ZNF280B: variants seen among roughly 807,000 people sequenced by gnomAD.
The protein encoded by ZNF280B is zinc finger protein 280B.
Under a neutral mutation model 38.0 loss-of-function variants are expected in ZNF280B, and 16 were observed. The ratio of observed to expected loss-of-function variants is 0.42; its 90% CI spans 0.28 to 0.64. The LOEUF is 0.64. ZNF280B is among the 30% of genes least tolerant of loss of function. The probability of loss-of-function intolerance (pLI) is 0.21; values close to 1 mark genes in which losing one functional copy is unlikely to be tolerated. For missense variants in ZNF280B, 581 were observed against 639.6 expected, an observed-to-expected ratio of 0.91 and a Z score of 0.99; for synonymous variants, 253 against 230.6, an observed-to-expected ratio of 1.10 and a Z score of -0.88.
intron 2 of ZNF280B, among the ~76,000 whole-genome samples, chr22:22,507,124 C>G (rs533212730): frequency 1.3e-5 from 2 of 152,002 alleles, no homozygotes; most frequent in South Asian, 4.2e-4. Flanking sequence ...GGAACTGAGG[C>G]CTCTTGCCAA....
intron 2 of ZNF280B, among the ~76,000 whole-genome samples, chr22:22,498,706 C>T (rs1343831523): frequency 6.7e-6 from 1 of 150,186 alleles, no homozygotes; most frequent in African/African-American, 2.5e-5. Flanking sequence ...AAACTTTGCA[C>T]ATCTTTCTAT....
chr22:22,489,867 T>A (rs1051364698), intron 3 of ZNF280B, among the ~76,000 whole-genome samples: 2 of 151,994 alleles, frequency 1.3e-5, no homozygotes, highest in Non-Finnish European at 2.9e-5. Context: ...TAAATGTATT[T>A]TGCTATCTTA....
rs1194372629 is a variant in ZNF280B at position 22,486,036 on chromosome 22, GA to G, written c.*1730del. ...AGTACAGATTAGATAGGATAGATCA[GA>G]TGAAGGACATTAACTCTAAGTCTTA... On this transcript the variant is annotated 3_prime_UTR_variant, in exon 4 of 4. Transcript: ENST00000626650. 1.3e-5 allele frequency: 2 copies of G among 152,020 alleles called. No homozygotes were observed. Among genetic ancestry groups the G allele is most frequent in the Non-Finnish European group, 2.9e-5 (2 of 68,028 alleles). The allele number at this position is 152,020 out of a possible 1,614,324, so 9.4% of individuals were successfully genotyped here.
chr22:22,501,377 C>T (rs2061821745), intron 2 of ZNF280B, among the ~76,000 whole-genome samples: 1 of 151,426 alleles, frequency 6.6e-6, no homozygotes, highest in South Asian at 2.1e-4. Context: ...CCAGCCTGGC[C>T]AACATAGCAA....
chr22:22,502,095 G>A (rs1443542764), intron 2 of ZNF280B, among the ~76,000 whole-genome samples: 1 of 151,686 alleles, frequency 6.6e-6, no homozygotes, highest in Admixed American at 6.6e-5. Flanking sequence ...TCACTGTACT[G>A]CAGCCTGGGC....
chr22:22,505,196 G>A (rs531525095), intron 2 of ZNF280B, among the ~76,000 whole-genome samples: 41 of 151,912 alleles, frequency 2.7e-4, no homozygotes, highest in Non-Finnish European at 5.0e-4. Flanking sequence ...AATGAAAAGA[G>A]TGACAAGTTA....
Position 22,488,336 on chromosome 22 carries a change from G to A in ZNF280B, c.1063C>T (p.Pro355Ser). ...CQHCHRQFPT[P>S]FQLQCHIENV... ...TCGATGTGACACTGTAGCTGGAAGG[G>A]AGTGGGAAACTGCCGGTGGCAGTGC... The change falls in exon 4 of 4, where the codon CCC becomes TCC. Residue 355 changes from proline (P) to serine (S), a missense_variant. Transcript: ENST00000626650. 1 of 1,613,894 alleles carries A rather than the reference G, an allele frequency of 6.2e-7. No homozygotes were observed. The highest frequency in any genetic ancestry group is 1.7e-5 in the Admixed American group (1 of 59,978).
chr22:22,494,042 A>T (rs952108986), intron 3 of ZNF280B, 21 bp downstream of exon 3: 2 of 151,918 alleles, frequency 1.3e-5, no homozygotes, highest in Non-Finnish European at 2.9e-5. Flanking sequence ...TGGCGCCCTT[A>T]TAAGAGGAGA....
chr22:22,500,913 G>A (rs527786601), intron 2 of ZNF280B, among the ~76,000 whole-genome samples: 8 of 150,996 alleles, frequency 5.3e-5, no homozygotes, highest in Middle Eastern at 3.5e-3. Flanking sequence ...CCAGCTACTC[G>A]GGAAGCTGAG....
chr22:22,489,844 A>G (rs1449848180), intron 3 of ZNF280B, among the ~76,000 whole-genome samples: 1 of 151,924 alleles, frequency 6.6e-6, no homozygotes, highest in Non-Finnish European at 1.5e-5. Context: ...CTCTTTAGCA[A>G]GTTTTTTACT....
chr22:22,505,058 C>T (rs1037030050), intron 2 of ZNF280B, among the ~76,000 whole-genome samples: 11 of 151,776 alleles, frequency 7.2e-5, no homozygotes, highest in Non-Finnish European at 1.6e-4. Flanking sequence ...CAGGTTGATA[C>T]TCACATAACA....
chr22:22,484,475 G>A lies in ZNF280B; in HGVS notation c.*3292C>T, dbSNP rs1489085729. On this transcript the variant is annotated 3_prime_UTR_variant, in exon 4 of 4. Transcript: ENST00000626650. Reference sequence around the variant, plus strand: ...ATTGATATTTTACTTATAATTTTTGGCAACATTAATAAAATAATAAATTTC... The same window carrying A: ...ATTGATATTTTACTTATAATTTTTGACAACATTAATAAAATAATAAATTTC... 1 of 152,070 alleles carries A rather than the reference G, an allele frequency of 6.6e-6. No individual in the cohort carries two copies. The highest frequency in any genetic ancestry group is 1.5e-5 in the Non-Finnish European group (1 of 67,972). 9.4% of individuals were successfully genotyped at this position (152,070 alleles called of 1,614,324 possible).
In ZNF280B at chr22:22,488,718, G is replaced by A; in HGVS notation, c.681C>T (p.Ser227=). 1.2e-6 allele frequency: 2 copies of A among 1,613,814 alleles called. No homozygotes were observed. The highest frequency in any genetic ancestry group is 1.7e-6 in the Non-Finnish European group (2 of 1,179,956). The change falls in exon 4 of 4, where the codon AGC becomes AGT. Residue 227 remains serine, a synonymous_variant. Transcript: ENST00000626650. The stretch of plus-strand genomic sequence containing the variant: ...GAAAAGGTGCTCCATTCTGAACATG[G>A]CTTAATGAGGTATGAACATTATTTG... ...TPSNNVHTSL[S]HVQNGAPFPA...
rs2061509391 is a variant in ZNF280B at position 22,486,914 on chromosome 22, C to T, written c.*853G>A. 1 of 151,978 alleles carries T rather than the reference C, an allele frequency of 6.6e-6. No homozygotes were observed. 9.4% of individuals were successfully genotyped at this position (151,978 alleles called of 1,614,324 possible). A position where few individuals can be genotyped will look rare whatever the true frequency, so the allele number is the denominator to read the frequency against. On this transcript the variant is annotated 3_prime_UTR_variant, in exon 4 of 4. Coordinates refer to ENST00000626650, the MANE Select transcript of ZNF280B (RefSeq NM_080764.4). ...GCAGCTTCTCTTTCAATTCCACATC[C>T]TGGCTTTTCAGAATCTTTTCAGGTT...
intron 2 of ZNF280B, among the ~76,000 whole-genome samples, chr22:22,504,273 A>T (rs2061887012): frequency 6.6e-6 from 1 of 151,888 alleles, no homozygotes; most frequent in Admixed American, 6.6e-5. Flanking sequence ...CTCTACTAAA[A>T]ATACAAAAAC....
intron 2 of ZNF280B, among the ~76,000 whole-genome samples, chr22:22,499,350 C>T (rs1015278380): frequency 6.6e-6 from 1 of 151,774 alleles, no homozygotes; most frequent in African/African-American, 2.4e-5. Flanking sequence ...CCACAACCTC[C>T]GCCTCCCGGG....
rs1732241276 is a variant in ZNF280B, at chr22:22,485,284, C to G, written c.*2483G>C. On this transcript the variant is annotated 3_prime_UTR_variant, in exon 4 of 4. Transcript: ENST00000626650. ...CAACTAAAACACTTCATATTTTTAC[C>G]ACAGAAACAGAATACGGGAGGTAAG... 1 of 151,818 alleles carries G rather than the reference C, an allele frequency of 6.6e-6. No individual in the cohort carries two copies. The highest frequency in any genetic ancestry group is 2.4e-5 in the African/African-American group (1 of 41,314). 9.4% of individuals were successfully genotyped at this position (151,818 alleles called of 1,614,324 possible).
chr22:22,488,081 T>C lies in ZNF280B; in HGVS notation c.1318A>G (p.Ile440Val). Residue 440 changes from isoleucine to valine, a missense_variant, in exon 4 of 4, where the codon ATT becomes GTT. Physicochemically the swap from Ile to Val is conservative, Grantham distance 29 (BLOSUM62 3). Coordinates refer to ENST00000626650, the MANE Select transcript of ZNF280B (RefSeq NM_080764.4). ...KNLLCPFCLK[I>V]FKTATPYMCH... ...ATGTATGGTGTTGCTGTTTTGAAAA[T>C]TTTGAGACAAAAGGGACAAAGCAAA... 6.2e-7 allele frequency: 1 copy of C among 1,613,908 alleles called. No individual in the cohort carries two copies. The highest frequency in any genetic ancestry group is 8.5e-7 in the Non-Finnish European group (1 of 1,179,970).
intron 2 of ZNF280B, among the ~76,000 whole-genome samples, chr22:22,506,207 C>T (rs978999921): frequency 1.3e-5 from 2 of 151,688 alleles, no homozygotes; most frequent in African/African-American, 4.8e-5. Flanking sequence ...TTATTTAAAA[C>T]ACAAGACTGG....
Sources: gnomAD v4.1 joint callset for allele counts (sites outside exome capture counted in the v4.1 genomes callset) on GRCh38, gnomAD v4.1.1 for gene constraint, MANE v1.5 for transcripts, NCBI Gene and HGNC (gene_info 2026-07-23, HGNC 2026-07-21) for gene names.